ASIC2: variants seen among roughly 807,000 people sequenced by gnomAD.
ASIC2 encodes acid-sensing ion channel 2.
Under a neutral mutation model 57.3 loss-of-function variants are expected in ASIC2, and 25 were observed. The ratio of observed to expected loss-of-function variants is 0.44; its 90% CI spans 0.32 to 0.61. The LOEUF is 0.61. ASIC2 is among the 20% of genes least tolerant of loss of function. The pLI is 0.06. For missense variants in ASIC2, 641 were observed against 738.1 expected (o/e 0.87, Z 1.52); for synonymous variants, 319 against 307.5 (o/e 1.04, Z -0.39).
Position 33,393,042 on chromosome 17 carries a change from C to G in ASIC2, c.556-280975G>C, listed in dbSNP as rs115616912. Among the ~76,000 whole-genome samples the G allele has an allele frequency of 4.7e-3, 722 of 152,304 alleles. 4 individuals are homozygous for G. Among genetic ancestry groups the G allele is most frequent in the African/African-American group, 0.016 (685 of 41,562 alleles). On this transcript the variant is annotated intron_variant, in intron 1 of 9. Transcript: ENST00000359872. The stretch of plus-strand genomic sequence containing the variant: ...CATCCCAAGTCTATGTCTCCTACCT[C>G]TCATGCAGCCCATTGTAATCACTTC...
intron 5 of ASIC2, 117 bp downstream of exon 5, chr17:33,025,809 T>G: frequency 2.0e-6 from 2 of 1,020,228 alleles, no homozygotes; most frequent in South Asian, 3.7e-5. Context: ...GCCCCTTTCT[T>G]CTCATCCTCT....
chr17:33,571,998 CTG>C (rs1287319147), intron 1 of ASIC2: 1 of 152,232 alleles, frequency 6.6e-6, no homozygotes, highest in African/African-American at 2.4e-5. Flanking sequence ...AAGATGAAGA[CTG>C]TGCTCTACCT....
chr17:33,803,517 C>T (rs547744420), intron 1 of ASIC2, among the ~76,000 whole-genome samples: 5 of 151,562 alleles, frequency 3.3e-5, no homozygotes, highest in African/African-American at 1.2e-4. Context: ...CTAATGTTTA[C>T]TCCTAGAAGA....
At chr17:33,620,797 C>G (rs1415688692) in intron 1 of ASIC2, among the ~76,000 whole-genome samples, 1 of 151,844 alleles carries the variant, frequency 6.6e-6, no homozygotes, top group Admixed American at 6.6e-5. Flanking sequence ...CCTTGAATTT[C>G]TTCTTCAATT....
intron 3 of ASIC2, among the ~76,000 whole-genome samples, chr17:33,059,731 C>G (rs1452662484): frequency 1.3e-5 from 2 of 152,228 alleles, no homozygotes; most frequent in Non-Finnish European, 2.9e-5. Context: ...TGAGGAATCA[C>G]CACACTGTCT....
intron 1 of ASIC2, among the ~76,000 whole-genome samples, chr17:34,062,678 A>G (rs1041584040): frequency 3.3e-5 from 5 of 152,146 alleles, no homozygotes; most frequent in Admixed American, 1.3e-4. Flanking sequence ...TAAGAAATGA[A>G]AAAGTATATA....
At chr17:33,912,254 A>G (rs1216761728) in intron 1 of ASIC2, among the ~76,000 whole-genome samples, 2 of 150,788 alleles carry the variant, frequency 1.3e-5, no homozygotes, top group African/African-American at 4.9e-5. Context: ...GGCGCATTGT[A>G]GGCTGAGGCA....
At chr17:33,737,183 G>A (rs770338531) in intron 1 of ASIC2, among the ~76,000 whole-genome samples, 55 of 152,354 alleles carry the variant, frequency 3.6e-4, no homozygotes, top group Non-Finnish European at 6.6e-4. Flanking sequence ...TATAAACTGA[G>A]GCTTTGTTTT....
intron 1 of ASIC2, among the ~76,000 whole-genome samples, chr17:33,865,743 T>A (rs1325833528): frequency 2.5e-5 from 3 of 118,614 alleles, no homozygotes; most frequent in South Asian, 2.8e-4. Flanking sequence ...AAACTTAGAG[T>A]ATAATAAAAA....
At chr17:33,441,559 C>T (rs1462172821) in intron 1 of ASIC2, among the ~76,000 whole-genome samples, 1 of 152,134 alleles carries the variant, frequency 6.6e-6, no homozygotes, top group Non-Finnish European at 1.5e-5. Context: ...AAATATGACA[C>T]CATGAACATT....
At chr17:33,327,015 T>C (rs1907106038) in intron 1 of ASIC2, among the ~76,000 whole-genome samples, 1 of 152,202 alleles carries the variant, frequency 6.6e-6, no homozygotes, top group African/African-American at 2.4e-5. Context: ...CTAGACCTCT[T>C]AGTCAATGAG....
intron 1 of ASIC2, among the ~76,000 whole-genome samples, chr17:33,334,695 T>C (rs1035470252): frequency 6.6e-6 from 1 of 152,204 alleles, no homozygotes; most frequent in African/African-American, 2.4e-5. Context: ...AAGCAACTGC[T>C]CCTCCTTCCA....
intron 7 of ASIC2, among the ~76,000 whole-genome samples, chr17:33,018,030 G>T (rs2091816027): frequency 1.3e-5 from 2 of 152,224 alleles, no homozygotes; most frequent in Admixed American, 1.3e-4. Flanking sequence ...AGAATAGAGA[G>T]CTAGGATGTG....
At chr17:34,081,354 T>C (rs541631127) in intron 1 of ASIC2, among the ~76,000 whole-genome samples, 34 of 152,298 alleles carry the variant, frequency 2.2e-4, no homozygotes, top group African/African-American at 7.2e-4. Flanking sequence ...ATAGATATCC[T>C]TAGAAGTGAT....
chr17:33,527,789 C>T (rs1189434776), intron 1 of ASIC2, among the ~76,000 whole-genome samples: 2 of 152,016 alleles, frequency 1.3e-5, no homozygotes, highest in African/African-American at 4.8e-5. Context: ...GGGGAAAGAA[C>T]TGGATAGGGG....
intron 1 of ASIC2, among the ~76,000 whole-genome samples, chr17:33,757,673 G>A (rs1910651406): frequency 6.6e-6 from 1 of 152,200 alleles, no homozygotes; most frequent in African/African-American, 2.4e-5. Flanking sequence ...GTATACACAA[G>A]TAAATGTATC....
chr17:33,047,001 C>G lies in ASIC2; in HGVS notation c.988-18609G>C, dbSNP rs141089780. On this transcript the variant is annotated intron_variant, in intron 3 of 9. Coordinates refer to ENST00000225823, the MANE Select transcript of ASIC2 (RefSeq NM_183377.2). ...GAGTTTCTTCCCTGCACTCGTGATG[C>G]CGCATGATTAAGGCTCTGCTGCATC... is the stretch of plus-strand genomic sequence containing the variant. 5.8e-3 allele frequency among the ~76,000 whole-genome samples: 877 copies of G among 152,360 alleles called. 8 individuals are homozygous for G. The highest frequency in any genetic ancestry group is 0.017 in the Middle Eastern group (5 of 294).
intron 1 of ASIC2, chr17:33,571,850 C>A (rs1043036541): frequency 7.2e-5 from 11 of 152,206 alleles, no homozygotes; most frequent in Admixed American, 3.3e-4. Flanking sequence ...AAAAACCCTG[C>A]CACCACTATT....
intron 1 of ASIC2, among the ~76,000 whole-genome samples, chr17:33,645,729 T>C (rs1252715864): frequency 1.3e-5 from 2 of 152,130 alleles, no homozygotes; most frequent in South Asian, 4.1e-4. Flanking sequence ...CCACAAGTGC[T>C]ATTTGCTGGT....
Sources: allele counts gnomAD v4.1 joint callset (sites outside exome capture counted in the v4.1 genomes callset), GRCh38; gene constraint gnomAD v4.1.1; transcripts MANE v1.5; gene names NCBI Gene and HGNC (gene_info 2026-07-23, HGNC 2026-07-21).